Variants in CFAP221 observed in about 807,000 individuals in gnomAD.
The protein encoded by CFAP221 is cilia and flagella associated protein 221, also known as cilia- and flagella-associated protein 221.
CFAP221 carries 97 observed loss-of-function variants against 113.1 expected under a neutral mutation model. That is an observed-to-expected ratio of 0.86 (90% CI 0.73 to 1.02). The LOEUF (loss-of-function observed/expected upper bound fraction) is 1.02. Ranked by LOEUF, CFAP221 falls within the 50% of genes least tolerant of loss-of-function variation. The probability of loss-of-function intolerance (pLI) is 0.00; values close to 1 mark genes in which losing one functional copy is unlikely to be tolerated. For synonymous variants in CFAP221, 331 were observed against 354.4 expected (o/e 0.93, Z 0.74); for missense variants, 1,025 against 1,013.4 (o/e 1.01, Z -0.16).
intron 1 of CFAP221, 126 bp downstream of exon 1, chr2:119,544,636 A>C (rs1449443826): frequency 6.6e-6 from 1 of 152,302 alleles, no homozygotes; most frequent in Non-Finnish European, 1.5e-5. Context: ...CTTGGGTCCG[A>C]GGAGAGTCGG....
chr2:119,611,870 A>G (rs755230635), intron 13 of CFAP221, 128 bp downstream of exon 13: 136 of 752,754 alleles, frequency 1.8e-4, no homozygotes, highest in Non-Finnish European at 2.9e-4. Context: ...ATTTGCATAC[A>G]TTTTCAGAAT....
At position 119,623,564 on chromosome 2, in the gene CFAP221, A is replaced by G. The variant is rs576185813; in HGVS notation, c.1411-2019A>G. 2.6e-5 allele frequency among the ~76,000 whole-genome samples: 4 copies of G among 152,322 alleles called. No individual in the cohort carries two copies. The East Asian group carries it at 7.7e-4, about 29-fold the overall frequency. On this transcript the variant is annotated intron_variant, in intron 14 of 23. Coordinates refer to ENST00000413369, the MANE Select transcript of CFAP221 (RefSeq NM_001271049.2). ...AAAAAGAGCCAGTATCGCCAAGACA[A>G]TCCTAAGCAAAAAGAACAAAGCTGG...
At chr2:119,621,223 C>CA (rs77833812) in intron 14 of CFAP221, among the ~76,000 whole-genome samples, 8,165 of 96,380 alleles carry the variant, frequency 0.085, 253 homozygotes, top group African/African-American at 0.13. Context: ...GAAACTGTGT[C>CA]AAAAAAAAAA....
chr2:119,652,125 G>C, intron 23 of CFAP221, 56 bp downstream of exon 23: 2 of 1,402,364 alleles, frequency 1.4e-6, no homozygotes, highest in Non-Finnish European at 1.0e-6. Flanking sequence ...AATTTGTTCT[G>C]CATAAAGTAC....
At chr2:119,593,837 C>CAA (rs925460852) in intron 7 of CFAP221, among the ~76,000 whole-genome samples, 1 of 141,354 alleles carries the variant, frequency 7.1e-6, no homozygotes, top group African/African-American at 2.6e-5. Flanking sequence ...GACTCAGTCT[C>CAA]AAAAAAAAAA....
chr2:119,660,122 C>T (rs1688559729), downstream of CFAP221: 1 of 152,212 alleles, frequency 6.6e-6, no homozygotes, highest in Admixed American at 6.5e-5. Flanking sequence ...TTCAGTTTCC[C>T]CACCTATAAA....
At chr2:119,645,284 G>A (rs766646025) in intron 21 of CFAP221, among the ~76,000 whole-genome samples, 2 of 150,880 alleles carry the variant, frequency 1.3e-5, no homozygotes, top group African/African-American at 4.9e-5. Flanking sequence ...GAACATTAAC[G>A]TTTTCCAAAC....
intron 7 of CFAP221, among the ~76,000 whole-genome samples, chr2:119,592,446 C>A (rs1683662549): frequency 4.6e-5 from 7 of 152,196 alleles, no homozygotes; most frequent in Admixed American, 3.3e-4. Flanking sequence ...TACTTTCTCC[C>A]TCCCCTCTTA....
At position 119,585,664 on chromosome 2, in the gene CFAP221, A is replaced by G. The variant is rs551516849; in HGVS notation, c.528-1455A>G. On this transcript the variant is annotated intron_variant, in intron 6 of 23. Transcript: ENST00000413369. ...TAAAGATAATAAATTTTAAAGCCAAATAAAAATGTTTTGGGCATAATTTTA... is the reference window on the plus strand; with the variant it reads ...TAAAGATAATAAATTTTAAAGCCAAGTAAAAATGTTTTGGGCATAATTTTA... 2.0e-5 allele frequency among the ~76,000 whole-genome samples: 3 copies of G among 152,356 alleles called. No individual in the cohort carries two copies. In the East Asian group the frequency reaches 5.8e-4, roughly 29 times the overall value.
chr2:119,619,883 G>A (rs1685781916), intron 14 of CFAP221, among the ~76,000 whole-genome samples: 1 of 152,154 alleles, frequency 6.6e-6, no homozygotes, highest in Non-Finnish European at 1.5e-5. Flanking sequence ...AACCAGTTTA[G>A]AGAAGAACAT....
chr2:119,552,158 C>CTTTT (rs772767971), intron 3 of CFAP221, among the ~76,000 whole-genome samples: 12 of 96,564 alleles, frequency 1.2e-4, no homozygotes, highest in South Asian at 3.3e-4. Context: ...TAAAACTGGC[C>CTTTT]TTTTTTTTTT....
chr2:119,654,656 A>G (rs1261093180), intron 23 of CFAP221, among the ~76,000 whole-genome samples: 1 of 152,212 alleles, frequency 6.6e-6, no homozygotes, highest in African/African-American at 2.4e-5. Flanking sequence ...AGAAAAACAA[A>G]CTAACAATGA....
intron 6 of CFAP221, among the ~76,000 whole-genome samples, chr2:119,583,679 C>T (rs1194701499): frequency 6.6e-6 from 1 of 152,186 alleles, no homozygotes; most frequent in Non-Finnish European, 1.5e-5. Flanking sequence ...TTGTTTCCCC[C>T]TCAAAATGTA....
intron 21 of CFAP221, 103 bp from the exon 22 acceptor site, chr2:119,646,855 G>C (rs1687842254): frequency 2.0e-6 from 2 of 1,000,914 alleles, no homozygotes; most frequent in African/African-American, 1.6e-5. Context: ...GAGTAGTAGA[G>C]GCCTCGCCAG....
At chr2:119,560,520 G>A (rs535117740) in intron 5 of CFAP221, among the ~76,000 whole-genome samples, 1 of 152,206 alleles carries the variant, frequency 6.6e-6, no homozygotes, top group East Asian at 1.9e-4. Flanking sequence ...GCCTTTCCTA[G>A]GTCACCTAAT....
rs79930349 is a variant in CFAP221 at position 119,553,037 on chromosome 2, A to G, written c.240+3852A>G. Among the ~76,000 whole-genome samples, 339 of 152,344 alleles carry G rather than the reference A, an allele frequency of 2.2e-3. 2 individuals carry two copies. The highest frequency in any genetic ancestry group is 7.6e-3 in the African/African-American group (318 of 41,586). On this transcript the variant is annotated intron_variant, in intron 3 of 23. Coordinates refer to ENST00000413369, the MANE Select transcript of CFAP221 (RefSeq NM_001271049.2). ...GTGTTGAAGCATTATGGGAAATGCT[A>G]AGATAAATAAAATCAAGGAGTTTTC...
At chr2:119,559,588 T>C in intron 3 of CFAP221, 101 bp from the exon 4 acceptor site, 1 of 939,116 alleles carries the variant, frequency 1.1e-6, no homozygotes, top group Non-Finnish European at 1.6e-6. Context: ...ATATAGGATA[T>C]CTCCTCAAAT....
chr2:119,625,283 A>G (rs1000245523), intron 14 of CFAP221, among the ~76,000 whole-genome samples: 3 of 152,218 alleles, frequency 2.0e-5, no homozygotes, highest in African/African-American at 7.2e-5. Context: ...AGAAGAAACA[A>G]CAAAGAACTA....
At chr2:119,588,049 A>T (rs1172468395) in intron 7 of CFAP221, among the ~76,000 whole-genome samples, 2 of 152,198 alleles carry the variant, frequency 1.3e-5, no homozygotes, top group Non-Finnish European at 2.9e-5. Flanking sequence ...CAGAGAGAAG[A>T]GGTTTATTGT....
Sources: allele counts gnomAD v4.1 joint callset (sites outside exome capture counted in the v4.1 genomes callset), GRCh38; gene constraint gnomAD v4.1.1; transcripts MANE v1.5; gene names NCBI Gene and HGNC (gene_info 2026-07-23, HGNC 2026-07-21).